ELP3: variants seen among roughly 807,000 people sequenced by gnomAD.
ELP3 encodes elongator complex protein 3.
A neutral mutation model predicts 74.9 loss-of-function variants in ELP3; 56 were observed. The observed-to-expected ratio is 0.75, with a 90% CI of 0.60 to 0.93. ELP3 has a LOEUF of 0.93. ELP3 is among the 40% of genes least tolerant of loss of function. The pLI, the probability that ELP3 is intolerant of heterozygous loss-of-function variation, is 0.00. For synonymous variants in ELP3, 222 were observed against 239.8 expected, an observed-to-expected ratio of 0.93 and a Z score of 0.68; for missense variants, 573 against 686.5, an observed-to-expected ratio of 0.83 and a Z score of 1.85.
intron 14 of ELP3, among the ~76,000 whole-genome samples, chr8:28,168,776 C>T (rs142130954): frequency 1.3e-5 from 2 of 152,290 alleles, no homozygotes; most frequent in East Asian, 3.9e-4. Flanking sequence ...GTTCTTTTCT[C>T]TAAATATTTG....
chr8:28,183,428 C>T (rs572660322), intron 14 of ELP3, among the ~76,000 whole-genome samples: 7 of 152,104 alleles, frequency 4.6e-5, no homozygotes, highest in South Asian at 2.1e-4. Context: ...TCCCCCAACT[C>T]CTGCCATTCT....
Position 28,107,887 on chromosome 8 carries a change from T to C in ELP3, c.330-26T>C, listed in dbSNP as rs367881465. The C allele has an allele frequency of 6.8e-6, 11 of 1,606,648 alleles. No homozygotes were observed. In the African/African-American group the frequency reaches 1.3e-4, roughly 20 times the overall value. ...ATTGAACTCAGTTTTGCATCTGACA[T>C]TCTTGTTCTTTTGTTGTACTGGCAG... On this transcript the variant is annotated intron_variant, in intron 4 of 14. Transcript: ENST00000256398.
intron 6 of ELP3, among the ~76,000 whole-genome samples, chr8:28,111,740 G>T (rs1811925392): frequency 6.6e-6 from 1 of 152,192 alleles, no homozygotes; most frequent in Admixed American, 6.5e-5. Context: ...AAGGAGCATA[G>T]TTTACAAGAT....
In ELP3 at chr8:28,113,255, G is replaced by A. The variant is rs935997304; in HGVS notation, c.617+82G>A. 6 of 1,040,534 alleles carry A rather than the reference G, an allele frequency of 5.8e-6. No individual in the cohort carries two copies. In the Admixed American group the frequency reaches 1.5e-4, roughly 26 times the overall value. 64.5% of individuals were successfully genotyped at this position (1,040,534 alleles called of 1,614,324 possible). A position where few individuals can be genotyped will look rare whatever the true frequency, so the allele number is the denominator to read the frequency against. The stretch of plus-strand genomic sequence containing the variant: ...GCAGTAGTCTACGAGAATGCCTTCT[G>A]CCCTGCATCCACATTCTTACTTCTC... On this transcript the variant is annotated intron_variant, in intron 7 of 14. Coordinates refer to ENST00000256398, the MANE Select transcript of ELP3 (RefSeq NM_018091.6).
At chr8:28,112,674 A>G (rs1261402584) in intron 6 of ELP3, 1 of 163,482 alleles carries the variant, frequency 6.1e-6, no homozygotes, top group Non-Finnish European at 1.3e-5. Flanking sequence ...CATAAAATAC[A>G]TGATCAATAA....
intron 3 of ELP3, among the ~76,000 whole-genome samples, chr8:28,106,250 T>TA (rs1811681868): frequency 6.6e-6 from 1 of 152,158 alleles, no homozygotes; most frequent in African/African-American, 2.4e-5. Context: ...GCTTAAGAAA[T>TA]ACAGCCTCGG....
intron 13 of ELP3, among the ~76,000 whole-genome samples, 179 bp from the exon 14 acceptor site, chr8:28,161,818 G>C (rs757761706): frequency 6.6e-6 from 1 of 152,150 alleles, no homozygotes; most frequent in Non-Finnish European, 1.5e-5. Context: ...TCAGTTGTCT[G>C]CTACAGTGTA....
chr8:28,172,701 C>T (rs751493236), intron 14 of ELP3, among the ~76,000 whole-genome samples: 1 of 152,048 alleles, frequency 6.6e-6, no homozygotes, highest in Non-Finnish European at 1.5e-5. Flanking sequence ...AATGGGCAAC[C>T]TTATCTGGCT....
chr8:28,111,714 T>C (rs1319411693), intron 6 of ELP3, among the ~76,000 whole-genome samples: 3 of 152,222 alleles, frequency 2.0e-5, no homozygotes, highest in African/African-American at 7.2e-5. Flanking sequence ...CATGAAATGC[T>C]TATGTTTACC....
At chr8:28,138,686 T>C (rs1813094878) in intron 10 of ELP3, among the ~76,000 whole-genome samples, 1 of 152,186 alleles carries the variant, frequency 6.6e-6, no homozygotes, top group Admixed American at 6.5e-5. Context: ...TGACTGATCA[T>C]GTAAAGCAAT....
intron 11 of ELP3, 110 bp from the exon 12 acceptor site, chr8:28,158,458 C>A: frequency 1.3e-6 from 1 of 774,876 alleles, no homozygotes; most frequent in East Asian, 2.6e-5. Context: ...ATTTTGAGCC[C>A]AGGGTTTGGT....
chr8:28,097,991 C>T (rs966139219), intron 2 of ELP3, among the ~76,000 whole-genome samples: 6 of 152,194 alleles, frequency 3.9e-5, no homozygotes, highest in Non-Finnish European at 7.3e-5. Flanking sequence ...TTCTGTGCTG[C>T]ATCGCTGCAC....
At chr8:28,179,707 T>C (rs1379164976) in intron 14 of ELP3, among the ~76,000 whole-genome samples, 3 of 152,216 alleles carry the variant, frequency 2.0e-5, no homozygotes, top group Non-Finnish European at 4.4e-5. Context: ...TAGATTCTTA[T>C]AAGGAGCACA....
At position 28,097,125 on chromosome 8, in the gene ELP3, G is replaced by A. The variant is rs1811282731; in HGVS notation, c.20-94G>A. 6.6e-6 allele frequency: 5 copies of A among 754,524 alleles called. No homozygotes were observed. The South Asian group carries it at 8.7e-5, about 13-fold the overall frequency. The allele number at this position is 754,524 out of a possible 1,614,324, so 46.7% of individuals were successfully genotyped here. ...CTTGAGCTATTCATTTGGCATATTT[G>A]TATGGTTTCGGATGGAAAACTGCTA... On this transcript the variant is annotated intron_variant, in intron 1 of 14. Transcript: ENST00000256398.
intron 14 of ELP3, among the ~76,000 whole-genome samples, chr8:28,179,274 T>G (rs893606833): frequency 6.6e-5 from 10 of 152,254 alleles, no homozygotes; most frequent in African/African-American, 2.4e-4. Context: ...AAGTATTTTC[T>G]TCATTTTCAT....
At chr8:28,187,455 C>G (rs1331564758) in intron 14 of ELP3, among the ~76,000 whole-genome samples, 1 of 152,176 alleles carries the variant, frequency 6.6e-6, no homozygotes, top group Non-Finnish European at 1.5e-5. Context: ...CAGATCATGT[C>G]CCTCCTTTGA....
At chr8:28,105,781 G>C (rs1419501471) in intron 3 of ELP3, among the ~76,000 whole-genome samples, 2 of 152,150 alleles carry the variant, frequency 1.3e-5, no homozygotes, top group Non-Finnish European at 2.9e-5. Flanking sequence ...ATAGTAAGAA[G>C]CCTGGCTTGC....
At chr8:28,176,214 C>CTG (rs1245156516) in intron 14 of ELP3, among the ~76,000 whole-genome samples, 1 of 152,044 alleles carries the variant, frequency 6.6e-6, no homozygotes, top group East Asian at 1.9e-4. Flanking sequence ...TATGATCAGC[C>CTG]TGTGACCTGA....
chr8:28,140,198 G>A (rs1813182398), intron 10 of ELP3, among the ~76,000 whole-genome samples: 1 of 150,888 alleles, frequency 6.6e-6, no homozygotes, highest in South Asian at 2.1e-4. Context: ...AGCACAGCTG[G>A]TTTCTAGATC....
Sources: allele counts gnomAD v4.1 joint callset (sites outside exome capture counted in the v4.1 genomes callset), GRCh38; gene constraint gnomAD v4.1.1; transcripts MANE v1.5; gene names NCBI Gene and HGNC (gene_info 2026-07-23, HGNC 2026-07-21).